The following NKAIN2 variants were observed in gnomAD, a reference collection of about 807,000 sequenced individuals.
NKAIN2 encodes the protein sodium/potassium-transporting ATPase subunit beta-1-interacting protein 2.
A neutral mutation model predicts 32.6 loss-of-function variants in NKAIN2; 14 were observed. That is an observed-to-expected ratio of 0.43 (90% CI 0.28 to 0.67). NKAIN2 has a LOEUF of 0.67. Ranked by LOEUF, NKAIN2 falls within the 30% of genes least tolerant of loss-of-function variation. The pLI is 0.17. For synonymous variants in NKAIN2, 80 were observed against 87.2 expected, an observed-to-expected ratio of 0.92 and a Z score of 0.46; for missense variants, 198 against 258.3, an observed-to-expected ratio of 0.77 and a Z score of 1.60.
At chr6:123,986,811 T>G in intron 1 of NKAIN2, among the ~76,000 whole-genome samples, 1 of 152,124 alleles carries the variant, frequency 6.6e-6, no homozygotes, top group East Asian at 1.9e-4. Context: ...ACGGTTTCAC[T>G]CAAATGGATG....
Position 124,177,773 on chromosome 6 carries a change from ATTTTTTTT to A in NKAIN2, c.55-105211_55-105204del, listed in dbSNP as rs1216484529. Among the ~76,000 whole-genome samples the A allele has an allele frequency of 1.8e-4, 4 of 22,270 alleles. 1 individual carries two copies. The highest frequency in any genetic ancestry group is 3.8e-4 in the Non-Finnish European group (4 of 10,522). The allele number at this position is 22,270 out of a possible 152,430, so 14.6% of individuals were successfully genotyped here. ...GGCGCAACGGAGTTTCTGTTCATCCATTTTTTTTTTTTTTTTTTTTTTTTTTTTGAGAC... is the reference window on the plus strand; with the variant it reads ...GGCGCAACGGAGTTTCTGTTCATCCATTTTTTTTTTTTTTTTTTTTGAGAC... On this transcript the variant is annotated intron_variant, in intron 1 of 6. Coordinates refer to ENST00000368417, the MANE Select transcript of NKAIN2 (RefSeq NM_001040214.3).
At chr6:124,507,074 C>CA (rs1316771946) in intron 3 of NKAIN2, among the ~76,000 whole-genome samples, 12 of 152,154 alleles carry the variant, frequency 7.9e-5, no homozygotes, top group Non-Finnish European at 1.5e-4. Flanking sequence ...TTAAGAGTTC[C>CA]AAATTTATAA....
intron 2 of NKAIN2, among the ~76,000 whole-genome samples, chr6:124,342,228 C>T (rs1207790313): frequency 1.3e-5 from 2 of 150,748 alleles, no homozygotes; most frequent in Non-Finnish European, 2.9e-5. Flanking sequence ...GGTGAAACCC[C>T]GTGTCTACTA....
chr6:123,919,582 A>G (rs542209487), intron 1 of NKAIN2, among the ~76,000 whole-genome samples: 2 of 152,282 alleles, frequency 1.3e-5, no homozygotes, highest in African/African-American at 2.4e-5. Context: ...GAATAACTGC[A>G]GGTGTTCAGT....
At chr6:124,429,700 A>T (rs2114559895) in intron 3 of NKAIN2, among the ~76,000 whole-genome samples, 1 of 152,296 alleles carries the variant, frequency 6.6e-6, no homozygotes, top group Non-Finnish European at 1.5e-5. Context: ...GAGGCAGTAA[A>T]CAGGTGCAGT....
chr6:124,626,908 G>T (rs1783375035), intron 3 of NKAIN2, among the ~76,000 whole-genome samples: 2 of 152,118 alleles, frequency 1.3e-5, no homozygotes, highest in Non-Finnish European at 2.9e-5. Context: ...GTTATGTGAA[G>T]ATTTTTAAAT....
intron 1 of NKAIN2, among the ~76,000 whole-genome samples, chr6:124,118,416 A>G (rs1485024207): frequency 2.6e-5 from 4 of 152,176 alleles, no homozygotes; most frequent in Non-Finnish European, 5.9e-5. Context: ...TAATTTTTTC[A>G]CTTCTAAATG....
chr6:124,563,629 T>C (rs771981739), intron 3 of NKAIN2, among the ~76,000 whole-genome samples: 11 of 152,180 alleles, frequency 7.2e-5, no homozygotes, highest in Non-Finnish European at 1.6e-4. Flanking sequence ...CAACTGTCCA[T>C]GAGAATGCAG....
intron 3 of NKAIN2, among the ~76,000 whole-genome samples, chr6:124,656,575 G>C (rs143003661): frequency 1.7e-3 from 252 of 152,064 alleles, no homozygotes; most frequent in African/African-American, 5.8e-3. Context: ...GGTTTTCAGA[G>C]ACCCTGCATT....
chr6:123,967,499 T>G (rs1778138533), intron 1 of NKAIN2, among the ~76,000 whole-genome samples: 1 of 152,198 alleles, frequency 6.6e-6, no homozygotes, highest in Non-Finnish European at 1.5e-5. Context: ...GTTTGTTATC[T>G]TATCCTACCA....
At chr6:124,697,886 T>C (rs1774579098) in intron 4 of NKAIN2, among the ~76,000 whole-genome samples, 1 of 152,174 alleles carries the variant, frequency 6.6e-6, no homozygotes, top group South Asian at 2.1e-4. Flanking sequence ...GAAATCCATC[T>C]TGGTGGCTGG....
intron 1 of NKAIN2, among the ~76,000 whole-genome samples, chr6:123,865,394 T>C (rs1775942847): frequency 1.3e-5 from 2 of 152,104 alleles, no homozygotes; most frequent in South Asian, 4.1e-4. Context: ...TAAAGACAAC[T>C]CTAAAATGGC....
At chr6:124,728,887 T>C (rs1284423047) in intron 4 of NKAIN2, among the ~76,000 whole-genome samples, 5 of 150,980 alleles carry the variant, frequency 3.3e-5, no homozygotes, top group African/African-American at 1.2e-4. Flanking sequence ...TCACCACCGA[T>C]CCCACAGAAA....
chr6:124,203,067 AAAG>A, intron 1 of NKAIN2, among the ~76,000 whole-genome samples: 1 of 152,042 alleles, frequency 6.6e-6, no homozygotes, highest in African/African-American at 2.4e-5. Flanking sequence ...ACAGACTGTA[AAAG>A]TAGAGTTTAA....
At chr6:124,334,606 C>G (rs1797794093) in intron 2 of NKAIN2, among the ~76,000 whole-genome samples, 1 of 152,110 alleles carries the variant, frequency 6.6e-6, no homozygotes, top group African/African-American at 2.4e-5. Flanking sequence ...GTGGCACCAG[C>G]TGATCCAACC....
At chr6:124,635,053 AAG>A (rs140176967) in intron 3 of NKAIN2, among the ~76,000 whole-genome samples, 1,855 of 151,506 alleles carry the variant, frequency 0.012, 32 homozygotes, top group African/African-American at 0.043. Context: ...GAAGGAAGGA[AAG>A]AGAGAAAGAA....
At chr6:124,211,143 T>G (rs1374499643) in intron 1 of NKAIN2, among the ~76,000 whole-genome samples, 1 of 151,844 alleles carries the variant, frequency 6.6e-6, no homozygotes. Flanking sequence ...TTATTAAATT[T>G]TCCTTGTCTC....
At chr6:124,682,975 A>G (rs922984082) in intron 4 of NKAIN2, among the ~76,000 whole-genome samples, 2 of 152,158 alleles carry the variant, frequency 1.3e-5, no homozygotes, top group Admixed American at 1.3e-4. Flanking sequence ...GGGCAGTGAT[A>G]AGTTTTGACT....
intron 1 of NKAIN2, among the ~76,000 whole-genome samples, chr6:123,918,981 C>T (rs934682136): frequency 4.6e-5 from 7 of 152,030 alleles, no homozygotes; most frequent in African/African-American, 1.4e-4. Context: ...TTCTTTCTCT[C>T]TCTCTGTCTC....
Sources: gnomAD v4.1 joint callset for allele counts (sites outside exome capture counted in the v4.1 genomes callset) on GRCh38, gnomAD v4.1.1 for gene constraint, MANE v1.5 for transcripts, NCBI Gene and HGNC (gene_info 2026-07-23, HGNC 2026-07-21) for gene names.